The following SNTB1 variants were observed in gnomAD, a reference collection of about 807,000 sequenced individuals.
The protein encoded by SNTB1 is beta-1-syntrophin.
In SNTB1, 36 loss-of-function variants were observed where a neutral mutation model predicts 48.9. The ratio of observed to expected loss-of-function variants is 0.74; its 90% confidence interval spans 0.56 to 0.97. The LOEUF is 0.97. Among genes scored for constraint, SNTB1 ranks in the 50% least tolerant of loss-of-function variants. The pLI is 0.00. For missense variants in SNTB1, 786 were observed against 703.4 expected (o/e 1.12, Z -1.33); for synonymous variants, 299 against 294.6 (o/e 1.01, Z -0.15).
intron 5 of SNTB1, among the ~76,000 whole-genome samples, chr8:120,546,435 T>A (rs1415605158): frequency 6.6e-6 from 1 of 152,158 alleles, no homozygotes; most frequent in African/African-American, 2.4e-5. Context: ...TACCTAGTAA[T>A]GTTACCTAAG....
intron 1 of SNTB1, among the ~76,000 whole-genome samples, chr8:120,698,239 T>C (rs1391819939): frequency 2.0e-5 from 3 of 152,172 alleles, no homozygotes; most frequent in African/African-American, 7.2e-5. Flanking sequence ...CTGTGTTTCT[T>C]CTGAGAGCTT....
Position 120,555,343 on chromosome 8 carries a change from G to A in SNTB1, c.1137-6385C>T, listed in dbSNP as rs888288891. Among the ~76,000 whole-genome samples, 4 of 152,144 alleles carry A rather than the reference G, an allele frequency of 2.6e-5. No individual in the cohort carries two copies. The East Asian group carries it at 7.7e-4, about 29-fold the overall frequency. On this transcript the variant is annotated intron_variant, in intron 4 of 6. Transcript: ENST00000517992. ...ATTTTATAGTCCGGTTTGAGAAGGC[G>A]GTGTCTGATTTAGGCAGGACTCACA... is the stretch of plus-strand genomic sequence containing the variant.
chr8:120,614,472 A>G (rs1816675902), intron 3 of SNTB1, among the ~76,000 whole-genome samples: 1 of 152,170 alleles, frequency 6.6e-6, no homozygotes, highest in Non-Finnish European at 1.5e-5. Flanking sequence ...CCTTTTGAAA[A>G]CTTGTTTCCA....
chr8:120,677,153 G>A (rs568465084), intron 2 of SNTB1, among the ~76,000 whole-genome samples: 16 of 152,204 alleles, frequency 1.1e-4, no homozygotes, highest in African/African-American at 3.1e-4. Flanking sequence ...CAGAACCTTG[G>A]GATTGCTCTG....
intron 4 of SNTB1, among the ~76,000 whole-genome samples, chr8:120,551,328 T>C (rs1815476556): frequency 6.6e-6 from 1 of 151,762 alleles, no homozygotes; most frequent in Non-Finnish European, 1.5e-5. Context: ...CTCTGTACTC[T>C]GAATCCAGAA....
intron 1 of SNTB1, among the ~76,000 whole-genome samples, chr8:120,728,331 C>T (rs1217196692): frequency 6.6e-6 from 1 of 152,132 alleles, no homozygotes; most frequent in Non-Finnish European, 1.5e-5. Context: ...ATTATTTTTT[C>T]TCCTTTTTCA....
chr8:120,709,723 G>T (rs1442873227), intron 1 of SNTB1, among the ~76,000 whole-genome samples: 2 of 151,988 alleles, frequency 1.3e-5, no homozygotes, highest in Non-Finnish European at 2.9e-5. Flanking sequence ...CCACTGTGTT[G>T]GGAAAGTCTG....
At chr8:120,665,468 A>AAATAAAT (rs572116249) in intron 2 of SNTB1, among the ~76,000 whole-genome samples, 2 of 32,806 alleles carry the variant, frequency 6.1e-5, no homozygotes, top group African/African-American at 1.5e-4. Context: ...ATAAATAAAT[A>AAATAAAT]AAATATATAT....
At chr8:120,690,882 C>G (rs945507104) in intron 2 of SNTB1, among the ~76,000 whole-genome samples, 1 of 152,188 alleles carries the variant, frequency 6.6e-6, no homozygotes, top group African/African-American at 2.4e-5. Context: ...TTGTTAGAAG[C>G]AGTTTGGGAC....
At chr8:120,727,705 T>C (rs1318583405) in intron 1 of SNTB1, among the ~76,000 whole-genome samples, 1 of 152,204 alleles carries the variant, frequency 6.6e-6, no homozygotes, top group Non-Finnish European at 1.5e-5. Flanking sequence ...TTTTTATCAT[T>C]CCTGTGTAAA....
chr8:120,747,256 A>G (rs1350613081), intron 1 of SNTB1, among the ~76,000 whole-genome samples: 1 of 152,198 alleles, frequency 6.6e-6, no homozygotes, highest in Non-Finnish European at 1.5e-5. Flanking sequence ...AAATTAATGC[A>G]GGAACAGAAA....
At position 120,701,682 on chromosome 8, in the gene SNTB1, G is replaced by T. The variant is rs55905845; in HGVS notation, c.572-7774C>A. Among the ~76,000 whole-genome samples, 797 of 152,244 alleles carry T rather than the reference G, an allele frequency of 5.2e-3. 6 individuals carry two copies. The highest frequency in any genetic ancestry group is 8.2e-3 in the Non-Finnish European group (560 of 68,028). Reference sequence around the variant, plus strand: ...TTAGGTTTGGCAGCATTATCTAGAAGAATCATTATTTTCATTCAGTTACCA... The same window carrying T: ...TTAGGTTTGGCAGCATTATCTAGAATAATCATTATTTTCATTCAGTTACCA... On this transcript the variant is annotated intron_variant, in intron 1 of 6. Coordinates refer to ENST00000517992, the MANE Select transcript of SNTB1 (RefSeq NM_021021.4).
rs1253457557 is a variant in SNTB1 at position 120,537,140 on chromosome 8, T to A, written c.*1737A>T. On this transcript the variant is annotated 3_prime_UTR_variant, in exon 7 of 7. Coordinates refer to ENST00000517992, the MANE Select transcript of SNTB1 (RefSeq NM_021021.4). ...CCTAAAGCTGTGTTTTCTAAAGCAT[T>A]AAAAAAAAAAAACAAATAACAACAA... The A allele has an allele frequency of 7.0e-6, 1 of 143,454 alleles. No individual in the cohort carries two copies. The highest frequency in any genetic ancestry group is 1.5e-5 in the Non-Finnish European group (1 of 65,268). 8.9% of individuals were successfully genotyped at this position (143,454 alleles called of 1,614,324 possible).
At chr8:120,703,488 A>C (rs994649320) in intron 1 of SNTB1, among the ~76,000 whole-genome samples, 2 of 152,338 alleles carry the variant, frequency 1.3e-5, no homozygotes, top group Admixed American at 6.5e-5. Flanking sequence ...ATCAAGTAGC[A>C]GAGGCCAGAG....
At chr8:120,586,502 C>G (rs973037289) in intron 3 of SNTB1, among the ~76,000 whole-genome samples, 1 of 152,152 alleles carries the variant, frequency 6.6e-6, no homozygotes, top group African/African-American at 2.4e-5. Context: ...TTTTCTCCTG[C>G]TGTTTCTGTC....
At chr8:120,786,363 C>G (rs890284758) in intron 1 of SNTB1, among the ~76,000 whole-genome samples, 2 of 152,180 alleles carry the variant, frequency 1.3e-5, no homozygotes, top group Non-Finnish European at 2.9e-5. Context: ...AGGTGCAGTG[C>G]TGGGTTCAGT....
At chr8:120,651,243 G>A (rs1054732931) in intron 2 of SNTB1, among the ~76,000 whole-genome samples, 6 of 152,142 alleles carry the variant, frequency 3.9e-5, no homozygotes, top group Non-Finnish European at 4.4e-5. Flanking sequence ...CAAGCCCCAG[G>A]AAAAACTAAA....
At chr8:120,586,661 G>A (rs886570665) in intron 3 of SNTB1, among the ~76,000 whole-genome samples, 35 of 152,134 alleles carry the variant, frequency 2.3e-4, no homozygotes, top group Admixed American at 2.2e-3. Context: ...CCTTTCCCAG[G>A]TAAGTCAACA....
chr8:120,561,319 C>CAAAAAAAAAA (rs1221884195), intron 4 of SNTB1, among the ~76,000 whole-genome samples: 50 of 45,504 alleles, frequency 1.1e-3, no homozygotes, highest in South Asian at 1.9e-3. Context: ...AACTCCATCT[C>CAAAAAAAAAA]AAAAAAAAAA....
Sources: gnomAD v4.1 joint callset for allele counts (sites outside exome capture counted in the v4.1 genomes callset) on GRCh38, gnomAD v4.1.1 for gene constraint, MANE v1.5 for transcripts, NCBI Gene and HGNC (gene_info 2026-07-23, HGNC 2026-07-21) for gene names.